The following FBXL13 variants were observed in gnomAD, a reference collection of about 807,000 sequenced individuals.
FBXL13 encodes F-box and leucine-rich repeat protein 13.
In FBXL13, 67 loss-of-function variants were observed where a neutral mutation model predicts 83.6. The observed-to-expected ratio is 0.80, with a 90% confidence interval of 0.66 to 0.98. The LOEUF (loss-of-function observed/expected upper bound fraction) is 0.98, where lower values mean the gene tolerates loss of function less well. Among genes scored for constraint, FBXL13 ranks in the 50% least tolerant of loss-of-function variants. FBXL13 has a pLI of 0.00. For missense variants in FBXL13, 822 were observed against 866.5 expected, an observed-to-expected ratio of 0.95 and a Z score of 0.64; for synonymous variants, 272 against 299.5, an observed-to-expected ratio of 0.91 and a Z score of 0.95.
intron 9 of FBXL13, among the ~76,000 whole-genome samples, chr7:102,928,351 A>G (rs545598558): frequency 6.6e-6 from 1 of 152,260 alleles, no homozygotes; most frequent in South Asian, 2.1e-4. Context: ...ATGACTTATG[A>G]ATTTGTCCAC....
intron 6 of FBXL13, among the ~76,000 whole-genome samples, chr7:102,996,007 G>T (rs1391621908): frequency 6.6e-6 from 1 of 152,056 alleles, no homozygotes; most frequent in Non-Finnish European, 1.5e-5. Flanking sequence ...TTTAGGGTTT[G>T]GTGGGAAAAT....
At chr7:102,900,854 G>T (rs914537937) in intron 11 of FBXL13, among the ~76,000 whole-genome samples, 1 of 152,198 alleles carries the variant, frequency 6.6e-6, no homozygotes. Context: ...ATGAATGAAA[G>T]AAACTAACAT....
intron 6 of FBXL13, among the ~76,000 whole-genome samples, chr7:102,986,999 G>C (rs1025760044): frequency 6.6e-6 from 1 of 151,574 alleles, no homozygotes; most frequent in African/African-American, 2.4e-5. Flanking sequence ...AATGTATTTT[G>C]CAGCAATTTG....
chr7:102,912,339 T>G (rs1356307636), intron 11 of FBXL13, among the ~76,000 whole-genome samples: 1 of 152,166 alleles, frequency 6.6e-6, no homozygotes, highest in Non-Finnish European at 1.5e-5. Context: ...ATTATTCTCA[T>G]AGAATAATGA....
chr7:102,818,723 A>G (rs1264742368), intron 19 of FBXL13, among the ~76,000 whole-genome samples: 2 of 152,196 alleles, frequency 1.3e-5, no homozygotes, highest in East Asian at 3.8e-4. Context: ...CTAGTTCTCT[A>G]GAATTGAAGG....
intron 6 of FBXL13, among the ~76,000 whole-genome samples, chr7:103,020,682 A>G (rs1793049484): frequency 6.6e-6 from 1 of 152,240 alleles, no homozygotes; most frequent in Non-Finnish European, 1.5e-5. Context: ...ATTCCTATAC[A>G]CAAATAATAG....
intron 17 of FBXL13, among the ~76,000 whole-genome samples, chr7:102,851,498 TCTC>T (rs1337426843): frequency 1.5e-5 from 2 of 137,090 alleles, no homozygotes; most frequent in East Asian, 4.8e-4. Context: ...TTCTTCTCCT[TCTC>T]CTTCTTCTTT....
chr7:102,983,387 A>G (rs749667131), intron 6 of FBXL13, among the ~76,000 whole-genome samples: 3 of 149,460 alleles, frequency 2.0e-5, no homozygotes, highest in Admixed American at 6.7e-5. Flanking sequence ...CCCCATTCCA[A>G]CTTATAGAAA....
At chr7:103,003,400 G>C (rs1790644046) in intron 6 of FBXL13, among the ~76,000 whole-genome samples, 1 of 140,428 alleles carries the variant, frequency 7.1e-6, no homozygotes, top group Non-Finnish European at 1.5e-5. Flanking sequence ...CAATTCTCCT[G>C]CCTCAGCCTC....
intron 8 of FBXL13, among the ~76,000 whole-genome samples, chr7:102,950,844 G>C (rs921253473): frequency 3.3e-5 from 5 of 152,142 alleles, no homozygotes; most frequent in African/African-American, 1.2e-4. Flanking sequence ...GTTGTCAGAA[G>C]CTAGCAGGGT....
chr7:102,855,468 T>C (rs1198419405), intron 16 of FBXL13, among the ~76,000 whole-genome samples: 1 of 152,162 alleles, frequency 6.6e-6, no homozygotes, highest in Non-Finnish European at 1.5e-5. Flanking sequence ...TGTTGTCCCA[T>C]TTCTCAGTAC....
intron 6 of FBXL13, among the ~76,000 whole-genome samples, chr7:102,969,721 C>T (rs1004392012): frequency 6.6e-6 from 1 of 150,952 alleles, no homozygotes; most frequent in Admixed American, 6.6e-5. Context: ...CTGCTTGAAC[C>T]CAGGAGGTGG....
At chr7:102,995,306 C>T (rs944314109) in intron 6 of FBXL13, among the ~76,000 whole-genome samples, 2 of 145,028 alleles carry the variant, frequency 1.4e-5, no homozygotes, top group Non-Finnish European at 3.0e-5. Flanking sequence ...ATGGTGAAAC[C>T]CCATCTCTAC....
chr7:102,989,217 T>C (rs926508529), intron 6 of FBXL13, among the ~76,000 whole-genome samples: 4 of 152,194 alleles, frequency 2.6e-5, no homozygotes, highest in Non-Finnish European at 4.4e-5. Context: ...AAATTTGATC[T>C]TCCTTGTGAA....
chr7:102,951,948 ACTGT>A (rs1388432091), intron 8 of FBXL13, among the ~76,000 whole-genome samples: 15 of 152,184 alleles, frequency 9.9e-5, no homozygotes, highest in Admixed American at 4.6e-4. Context: ...AAGCAACTTT[ACTGT>A]CTATTATTGG....
At chr7:103,069,871 G>C (rs953850638) in intron 1 of FBXL13, among the ~76,000 whole-genome samples, 1 of 152,220 alleles carries the variant, frequency 6.6e-6, no homozygotes, top group South Asian at 2.1e-4. Context: ...GAGGTCAGGA[G>C]ATCGAGACCA....
At chr7:102,827,577 C>T (rs1799952549) in intron 18 of FBXL13, among the ~76,000 whole-genome samples, 1 of 151,552 alleles carries the variant, frequency 6.6e-6, no homozygotes, top group Admixed American at 6.6e-5. Context: ...GCACAATGTG[C>T]ATGTTTGTTA....
At chr7:102,963,415 G>T in intron 8 of FBXL13, 118 bp downstream of exon 9, 2 of 1,165,762 alleles carry the variant, frequency 1.7e-6, no homozygotes, top group Non-Finnish European at 2.4e-6. Flanking sequence ...GGTTATAATT[G>T]GTATCCTTAT....
chr7:102,867,692 TATA>T (rs1467888430), intron 16 of FBXL13, among the ~76,000 whole-genome samples: 7 of 74,150 alleles, frequency 9.4e-5, no homozygotes, highest in Non-Finnish European at 1.2e-4. Flanking sequence ...TATATATATA[TATA>T]TTTTTTTTTT....
Sources: gnomAD v4.1 joint callset for allele counts (sites outside exome capture counted in the v4.1 genomes callset) on GRCh38, gnomAD v4.1.1 for gene constraint, MANE v1.5 for transcripts, NCBI Gene and HGNC (gene_info 2026-07-23, HGNC 2026-07-21) for gene names.